RABGAP1L: variants seen among roughly 807,000 people sequenced by gnomAD.
RABGAP1L encodes rab GTPase-activating protein 1-like.
In RABGAP1L, 63 loss-of-function variants were observed where a neutral mutation model predicts 137.7. The observed-to-expected ratio is 0.46, with a 90% CI of 0.37 to 0.56. The LOEUF (loss-of-function observed/expected upper bound fraction) is 0.56. Ranked by LOEUF, RABGAP1L falls within the 20% of genes least tolerant of loss-of-function variation. The pLI is 0.00. For missense variants in RABGAP1L, 1,095 were observed against 1,244.0 expected (o/e 0.88, Z 1.80); for synonymous variants, 431 against 433.7 (o/e 0.99, Z 0.08).
intron 13 of RABGAP1L, among the ~76,000 whole-genome samples, chr1:174,478,246 G>A (rs1183885319): frequency 6.7e-6 from 1 of 149,142 alleles, no homozygotes; most frequent in Non-Finnish European, 1.5e-5. Flanking sequence ...TCCTGTTTTT[G>A]TTGTTGTTGT....
chr1:174,190,301 C>CAAAA (rs57629149), intron 1 of RABGAP1L, among the ~76,000 whole-genome samples: 24 of 90,040 alleles, frequency 2.7e-4, no homozygotes, highest in African/African-American at 2.8e-4. Flanking sequence ...GACTCCGTTG[C>CAAAA]AAAAAAAAAA....
At chr1:174,839,714 C>T (rs983809903) in intron 19 of RABGAP1L, among the ~76,000 whole-genome samples, 15 of 152,312 alleles carry the variant, frequency 9.8e-5, no homozygotes, top group Middle Eastern at 6.8e-3. Flanking sequence ...CTGAAGCACT[C>T]ATCTTGGTGT....
intron 13 of RABGAP1L, among the ~76,000 whole-genome samples, chr1:174,600,090 T>C (rs1670299173): frequency 6.6e-6 from 1 of 152,116 alleles, no homozygotes; most frequent in Non-Finnish European, 1.5e-5. Context: ...AGGCACTTCT[T>C]ATATGGCAGC....
chr1:174,791,800 C>G (rs1687879363), intron 18 of RABGAP1L, among the ~76,000 whole-genome samples: 1 of 152,124 alleles, frequency 6.6e-6, no homozygotes, highest in Non-Finnish European at 1.5e-5. Flanking sequence ...AACTGTTCAT[C>G]TGGAAAAGAA....
intron 13 of RABGAP1L, among the ~76,000 whole-genome samples, chr1:174,617,224 TAATC>T (rs1194242196): frequency 1.3e-5 from 2 of 152,320 alleles, no homozygotes; most frequent in Admixed American, 1.3e-4. Context: ...TAAAAGGGAT[TAATC>T]AAGTTTCAGC....
intron 13 of RABGAP1L, among the ~76,000 whole-genome samples, chr1:174,541,545 G>C (rs1397783466): frequency 6.6e-6 from 1 of 152,166 alleles, no homozygotes; most frequent in Non-Finnish European, 1.5e-5. Flanking sequence ...TGGAGGCCAA[G>C]GCAGGCATAT....
intron 13 of RABGAP1L, among the ~76,000 whole-genome samples, chr1:174,458,464 G>T (rs1656293841): frequency 6.6e-6 from 1 of 152,052 alleles, no homozygotes; most frequent in Non-Finnish European, 1.5e-5. Context: ...ATACGAAGGA[G>T]TGATTTCAAC....
In RABGAP1L at chr1:174,611,716, T is replaced by C. The variant is rs548347878; in HGVS notation, c.1711-25659T>C. ...TGGAATGTTCTTCCATTTGTTTGTA[T>C]CCTCTTTTATTTCCTTGAGCAGTGG... On this transcript the variant is annotated intron_variant, in intron 13 of 25. Transcript: ENST00000681986. Among the ~76,000 whole-genome samples, 579 of 152,070 alleles carry C rather than the reference T, an allele frequency of 3.8e-3. 2 individuals are homozygous for C. Among genetic ancestry groups the C allele is most frequent in the Middle Eastern group, 0.01 (3 of 294 alleles).
intron 16 of RABGAP1L, among the ~76,000 whole-genome samples, chr1:174,701,426 A>T (rs956226417): frequency 6.6e-6 from 1 of 152,152 alleles, no homozygotes; most frequent in African/African-American, 2.4e-5. Context: ...GAGAAGATAC[A>T]TTTCTTTTCT....
intron 19 of RABGAP1L, among the ~76,000 whole-genome samples, chr1:174,901,648 C>T (rs932494853): frequency 3.3e-5 from 5 of 152,314 alleles, no homozygotes; most frequent in African/African-American, 1.2e-4. Context: ...TTCATTACCA[C>T]CCACCTTCTG....
intron 5 of RABGAP1L, among the ~76,000 whole-genome samples, chr1:174,248,732 T>C (rs1023214129): frequency 3.3e-5 from 5 of 152,204 alleles, no homozygotes; most frequent in Non-Finnish European, 5.9e-5. Context: ...CCTCATACTT[T>C]AACAGACTCT....
At chr1:174,495,000 T>C (rs1312650233) in intron 13 of RABGAP1L, among the ~76,000 whole-genome samples, 2 of 152,106 alleles carry the variant, frequency 1.3e-5, no homozygotes, top group Non-Finnish European at 2.9e-5. Context: ...CCTTCTAGCA[T>C]TGACCCCCTT....
At chr1:174,886,685 A>G (rs567504970) in intron 19 of RABGAP1L, among the ~76,000 whole-genome samples, 113 of 152,320 alleles carry the variant, frequency 7.4e-4, no homozygotes, top group African/African-American at 2.2e-3. Context: ...TATGCCTTCT[A>G]GTTTCAGTTT....
chr1:174,710,435 G>T (rs988504975), intron 17 of RABGAP1L, among the ~76,000 whole-genome samples: 1 of 152,092 alleles, frequency 6.6e-6, no homozygotes, highest in Non-Finnish European at 1.5e-5. Context: ...GAGAAAGGTC[G>T]GGTTACTCAC....
At chr1:174,246,852 A>C (rs1365216201) in intron 5 of RABGAP1L, among the ~76,000 whole-genome samples, 1 of 152,196 alleles carries the variant, frequency 6.6e-6, no homozygotes, top group African/African-American at 2.4e-5. Flanking sequence ...TTATCTTGTT[A>C]ATTCTTGGAT....
chr1:174,741,923 C>G (rs532772023), intron 17 of RABGAP1L, among the ~76,000 whole-genome samples: 2 of 147,226 alleles, frequency 1.4e-5, no homozygotes, highest in Admixed American at 1.4e-4. Context: ...CCTATAGACC[C>G]AGCTACTTGG....
intron 17 of RABGAP1L, among the ~76,000 whole-genome samples, chr1:174,703,822 C>A (rs1016791065): frequency 6.6e-6 from 1 of 152,092 alleles, no homozygotes; most frequent in African/African-American, 2.4e-5. Flanking sequence ...ATTTGCATTT[C>A]TTTGATAATT....
intron 14 of RABGAP1L, among the ~76,000 whole-genome samples, chr1:174,663,714 G>A (rs1676558689): frequency 6.6e-6 from 1 of 152,018 alleles, no homozygotes; most frequent in Non-Finnish European, 1.5e-5. Context: ...TACTTTTATG[G>A]TTATTCACTG....
At chr1:174,473,046 A>T (rs1658114927) in intron 13 of RABGAP1L, among the ~76,000 whole-genome samples, 1 of 152,034 alleles carries the variant, frequency 6.6e-6, no homozygotes, top group Admixed American at 6.5e-5. Context: ...AACCCTAATT[A>T]TTGTCTTCAG....
Sources: gnomAD v4.1 joint callset for allele counts (sites outside exome capture counted in the v4.1 genomes callset) on GRCh38, gnomAD v4.1.1 for gene constraint, MANE v1.5 for transcripts, NCBI Gene and HGNC (gene_info 2026-07-23, HGNC 2026-07-21) for gene names.